Variants in SRPK1 observed in about 807,000 individuals in gnomAD.
SRPK1 encodes SRSF protein kinase 1, also known as SFRS protein kinase 1.
Under a neutral mutation model 89.5 loss-of-function variants are expected in SRPK1, and 52 were observed. That is an observed-to-expected ratio of 0.58 (90% CI 0.46 to 0.73). The LOEUF is 0.73. Among genes scored for constraint, SRPK1 ranks in the 30% least tolerant of loss-of-function variants. The probability of loss-of-function intolerance (pLI) is 0.00; values close to 1 mark genes in which losing one functional copy is unlikely to be tolerated. For synonymous variants in SRPK1, 255 were observed against 270.2 expected (o/e 0.94, Z 0.55); for missense variants, 603 against 780.6 (o/e 0.77, Z 2.71).
At chr6:35,881,032 G>A (rs1335196524) in intron 6 of SRPK1, among the ~76,000 whole-genome samples, 1 of 151,998 alleles carries the variant, frequency 6.6e-6, no homozygotes, top group African/African-American at 2.4e-5. Flanking sequence ...CCAGAAAGCA[G>A]TGGGCCAATA....
chr6:35,835,233 A>T lies in SRPK1; in HGVS notation c.*71T>A, dbSNP rs528395637. On this transcript the variant is annotated 3_prime_UTR_variant, in exon 16 of 16. Transcript: ENST00000373825. ...AGGAAGAGCTTCACCCTGAAAAGGG[A>T]AGAGGAAAATGCTTGAAGGGGAAGG... The T allele has an allele frequency of 4.8e-5, 64 of 1,329,654 alleles. 1 individual carries two copies. In the South Asian group the frequency reaches 8.9e-4, roughly 18 times the overall value. 82.4% of individuals were successfully genotyped at this position (1,329,654 alleles called of 1,614,324 possible).
At chr6:35,882,100 G>A (rs1488663530) in intron 6 of SRPK1, among the ~76,000 whole-genome samples, 3 of 137,916 alleles carry the variant, frequency 2.2e-5, no homozygotes, top group African/African-American at 8.0e-5. Flanking sequence ...AGTAGTAGTA[G>A]CAATAGTAGT....
chr6:35,876,394 T>C (rs1260658348), intron 6 of SRPK1, among the ~76,000 whole-genome samples: 1 of 152,166 alleles, frequency 6.6e-6, no homozygotes, highest in Non-Finnish European at 1.5e-5. Flanking sequence ...CCTAGCACTT[T>C]GGGAGGCCGA....
intron 4 of SRPK1, 40 bp from the exon 5 acceptor site, chr6:35,888,151 C>T (rs1420905911): frequency 1.5e-6 from 2 of 1,377,608 alleles, no homozygotes; most frequent in Admixed American, 2.2e-5. Context: ...ACATAGCCTA[C>T]CCTTACTTTA....
chr6:35,838,024 C>A (rs183041007), intron 15 of SRPK1, among the ~76,000 whole-genome samples: 131 of 152,096 alleles, frequency 8.6e-4, no homozygotes, highest in African/African-American at 2.8e-3. Flanking sequence ...GCCCGCCACT[C>A]TTCCCAGCTA....
chr6:35,870,236 G>T (rs376152373), intron 10 of SRPK1, 45 bp downstream of exon 10: 1 of 1,535,406 alleles, frequency 6.5e-7, no homozygotes, highest in South Asian at 1.2e-5. Flanking sequence ...ATAAATTAAC[G>T]TTAAAGTGTG....
intron 6 of SRPK1, among the ~76,000 whole-genome samples, chr6:35,876,812 AG>A (rs1178879474): frequency 6.6e-6 from 1 of 152,238 alleles, no homozygotes; most frequent in Non-Finnish European, 1.5e-5. Context: ...CCCTGAAAAA[AG>A]GAAACAAGAG....
chr6:35,850,650 A>G (rs1264717534), intron 13 of SRPK1, among the ~76,000 whole-genome samples: 3 of 145,868 alleles, frequency 2.1e-5, no homozygotes, highest in South Asian at 2.3e-4. Context: ...AGAATTGCCG[A>G]AGAACTTTTC....
intron 2 of SRPK1, among the ~76,000 whole-genome samples, chr6:35,896,963 C>CCA (rs1030316871): frequency 1.3e-5 from 2 of 152,118 alleles, no homozygotes; most frequent in Non-Finnish European, 2.9e-5. Context: ...TTACAAAAGA[C>CCA]CACATAATCC....
In SRPK1 at chr6:35,869,726, T is replaced by C. The variant is rs373488236; in HGVS notation, c.1167A>G (p.Gln389=). ...GGAAACTAGATTCCTGATTCAAATTTTGGACATCACAGTCATTAGCATTAT... is the reference window on the plus strand; with the variant it reads ...GGAAACTAGATTCCTGATTCAAATTCTGGACATCACAGTCATTAGCATTAT... ...DLHNANDCDV[Q]NLNQESSFLS... The change falls in exon 11 of 16, where the codon CAA becomes CAG. Residue 389 remains glutamine (Q), a synonymous_variant. Transcript: ENST00000373825. 2.5e-5 allele frequency: 40 copies of C among 1,613,826 alleles called. No homozygotes were observed. The highest frequency in any genetic ancestry group is 3.2e-5 in the Non-Finnish European group (38 of 1,179,836).
intron 13 of SRPK1, among the ~76,000 whole-genome samples, chr6:35,848,124 C>G (rs999770493): frequency 6.6e-6 from 1 of 152,178 alleles, no homozygotes; most frequent in Non-Finnish European, 1.5e-5. Context: ...AATGTCCGTA[C>G]TACTCAAAGT....
intron 2 of SRPK1, among the ~76,000 whole-genome samples, chr6:35,918,938 G>A (rs1771169996): frequency 6.6e-6 from 1 of 152,190 alleles, no homozygotes. Context: ...AATAGTCTGA[G>A]AGACCAGGAT....
Position 35,887,430 on chromosome 6 carries a change from A to T in SRPK1, c.390+594T>A, listed in dbSNP as rs113780692. The stretch of plus-strand genomic sequence containing the variant: ...TCTCACTTTATGAATAAAAAATCTG[A>T]GACTCAGAAAGAAAAAAATGGTAAC... On this transcript the variant is annotated intron_variant, in intron 5 of 15. Transcript: ENST00000373825. Among the ~76,000 whole-genome samples, 863 of 152,294 alleles carry T rather than the reference A, an allele frequency of 5.7e-3. 3 individuals carry two copies. Among genetic ancestry groups the T allele is most frequent in the South Asian group, 0.016 (78 of 4,828 alleles).
chr6:35,867,454 T>C (rs978483633), intron 12 of SRPK1, among the ~76,000 whole-genome samples: 7 of 152,216 alleles, frequency 4.6e-5, no homozygotes, highest in African/African-American at 7.2e-5. Context: ...TTTAAAAGCA[T>C]ATGGCTCTTT....
chr6:35,904,953 T>A, intron 2 of SRPK1: 1 of 440,260 alleles, frequency 2.3e-6, no homozygotes, highest in Non-Finnish European at 4.6e-6. Context: ...ACCAGCCTGG[T>A]TAGTACAGCA....
intron 13 of SRPK1, among the ~76,000 whole-genome samples, chr6:35,856,383 T>C (rs1467987854): frequency 6.6e-6 from 1 of 152,102 alleles, no homozygotes; most frequent in African/African-American, 2.4e-5. Context: ...TCTGAGGGGG[T>C]AATGCAAACC....
rs1308196791 is a variant in SRPK1, at chr6:35,903,728, A to T, written c.75-12715T>A. On this transcript the variant is annotated intron_variant, in intron 2 of 15. Transcript: ENST00000373825. ...AATTGTTACGTGGTAGTTAAAATGT[A>T]TATTAAAATTTCTGAAACTTCTTGA... is the stretch of plus-strand genomic sequence containing the variant. 3.9e-5 allele frequency among the ~76,000 whole-genome samples: 6 copies of T among 152,332 alleles called. No individual in the cohort carries two copies. In the East Asian group the frequency reaches 1.2e-3, roughly 29 times the overall value.
rs1343332845 is a variant in SRPK1, at chr6:35,835,120, A to G, written c.*184T>C. On this transcript the variant is annotated 3_prime_UTR_variant, in exon 16 of 16. Transcript: ENST00000373825. Reference sequence around the variant, plus strand: ...AGGCCAAATTCACCTAGGATGCCCAATGGCTGTGGGGATCTCCACAGGGTC... The same window carrying G: ...AGGCCAAATTCACCTAGGATGCCCAGTGGCTGTGGGGATCTCCACAGGGTC... The G allele has an allele frequency of 5.7e-6, 3 of 527,566 alleles. No individual in the cohort carries two copies. In the East Asian group the frequency reaches 9.0e-5, roughly 16 times the overall value. 32.7% of individuals were successfully genotyped at this position (527,566 alleles called of 1,614,324 possible).
Position 35,834,258 on chromosome 6 carries a change from T to C in SRPK1, c.*1046A>G, listed in dbSNP as rs985675676. 1 of 152,482 alleles carries C rather than the reference T, an allele frequency of 6.6e-6. No individual in the cohort carries two copies. The highest frequency in any genetic ancestry group is 1.5e-5 in the Non-Finnish European group (1 of 68,016). 9.4% of individuals were successfully genotyped at this position (152,482 alleles called of 1,614,324 possible). On this transcript the variant is annotated 3_prime_UTR_variant, in exon 16 of 16. Transcript: ENST00000373825. ...GGGTTATATTAAAGACTCGAGCCTC[T>C]GAGAAAATCAGAAAGGCAAAGCCAT...
Sources: allele counts gnomAD v4.1 joint callset (sites outside exome capture counted in the v4.1 genomes callset), GRCh38; gene constraint gnomAD v4.1.1; transcripts MANE v1.5; gene names NCBI Gene and HGNC (gene_info 2026-07-23, HGNC 2026-07-21).